JAK1: variants seen among roughly 807,000 people sequenced by gnomAD.
JAK1 encodes the protein Janus kinase 1.
A neutral mutation model predicts 136.6 loss-of-function variants in JAK1; 16 were observed. The ratio of observed to expected loss-of-function variants is 0.12; its 90% CI spans 0.08 to 0.18. The LOEUF is 0.18. Ranked by LOEUF, JAK1 falls within the 10% of genes least tolerant of loss-of-function variation. The pLI, the probability that JAK1 is intolerant of heterozygous loss-of-function variation, is 1.00. For missense variants in JAK1, 859 were observed against 1,450.1 expected (o/e 0.59, Z 6.62); for synonymous variants, 492 against 519.5 (o/e 0.95, Z 0.72).
chr1:64,936,268 T>C (rs1306015456), intron 1 of JAK1, among the ~76,000 whole-genome samples: 9 of 152,158 alleles, frequency 5.9e-5, no homozygotes, highest in Non-Finnish European at 1.3e-4. Flanking sequence ...TAACTATCCA[T>C]ACTTTCATTA....
intron 1 of JAK1, among the ~76,000 whole-genome samples, chr1:65,055,296 C>A (rs1047261143): frequency 6.6e-6 from 1 of 152,184 alleles, no homozygotes; most frequent in Non-Finnish European, 1.5e-5. Context: ...AGCATGGTAT[C>A]TTCAAGGTTC....
At chr1:64,972,175 A>T (rs1195882529) in intron 2 of JAK1, 1 of 152,256 alleles carries the variant, frequency 6.6e-6, no homozygotes, top group Non-Finnish European at 1.5e-5. Context: ...ACTCTTCCAC[A>T]TGCACATTGA....
At chr1:65,019,166 A>G (rs558527501) in intron 2 of JAK1, among the ~76,000 whole-genome samples, 1 of 152,338 alleles carries the variant, frequency 6.6e-6, no homozygotes, top group East Asian at 1.9e-4. Context: ...TTTAAGGAAC[A>G]AAGTATTTTA....
chr1:64,951,783 C>G (rs911664882), intron 1 of JAK1, among the ~76,000 whole-genome samples: 1 of 150,924 alleles, frequency 6.6e-6, no homozygotes, highest in Non-Finnish European at 1.5e-5. Flanking sequence ...CTCAGCCTCC[C>G]GAGTAGCTGG....
At chr1:64,921,379 T>C (rs1377847654) in intron 1 of JAK1, among the ~76,000 whole-genome samples, 2 of 152,124 alleles carry the variant, frequency 1.3e-5, no homozygotes, top group Admixed American at 1.3e-4. Flanking sequence ...CCACCTAGAC[T>C]ACTGATAACT....
chr1:65,045,005 T>C (rs926937042), intron 1 of JAK1, among the ~76,000 whole-genome samples: 2 of 152,260 alleles, frequency 1.3e-5, no homozygotes, highest in African/African-American at 2.4e-5. Context: ...CCAAATCTAG[T>C]GGTCCCTAAA....
chr1:65,004,762 A>G (rs1646790225), intron 2 of JAK1, among the ~76,000 whole-genome samples: 1 of 152,218 alleles, frequency 6.6e-6, no homozygotes, highest in African/African-American at 2.4e-5. Flanking sequence ...ATCCAAGTAC[A>G]ACTTCTTATC....
intron 1 of JAK1, among the ~76,000 whole-genome samples, chr1:65,048,834 G>C (rs1399558869): frequency 6.6e-6 from 1 of 152,140 alleles, no homozygotes; most frequent in Non-Finnish European, 1.5e-5. Flanking sequence ...TATGTTTTCT[G>C]TTGAACTTTT....
rs573400973 is a variant in JAK1 at position 65,027,932 on chromosome 1, C to T, written c.-78+16548G>A. Among the ~76,000 whole-genome samples the T allele has an allele frequency of 3.9e-5, 6 of 152,264 alleles. No homozygotes were observed. The East Asian group carries it at 5.8e-4, about 15-fold the overall frequency. ...AGGTTCTTTCTGGAAGGGAAGTCTG[C>T]GTGGCACGCTGCCACAGCTGGCACA... On this transcript the variant is annotated intron_variant, in intron 2 of 25. Transcript: ENST00000671954.
chr1:64,952,008 C>T (rs762711023), intron 1 of JAK1, among the ~76,000 whole-genome samples: 4 of 152,130 alleles, frequency 2.6e-5, no homozygotes, highest in Non-Finnish European at 5.9e-5. Flanking sequence ...TGAAACTTGG[C>T]GCACATTTCC....
chr1:64,851,516 C>T (rs1432203307), intron 11 of JAK1, among the ~76,000 whole-genome samples: 2 of 152,200 alleles, frequency 1.3e-5, no homozygotes, highest in African/African-American at 2.4e-5. Flanking sequence ...GTCTGAAGCT[C>T]GTGGTACCAG....
intron 1 of JAK1, among the ~76,000 whole-genome samples, chr1:64,963,225 C>T (rs1646314288): frequency 6.6e-6 from 1 of 152,206 alleles, no homozygotes; most frequent in South Asian, 2.1e-4. Context: ...TCTCTCTCAT[C>T]ATTCTCTGAA....
At chr1:64,843,864 A>G (rs1655060244) in intron 17 of JAK1, among the ~76,000 whole-genome samples, 200 bp downstream of exon 17, 1 of 152,208 alleles carries the variant, frequency 6.6e-6, no homozygotes, top group African/African-American at 2.4e-5. Flanking sequence ...GTTACTGATT[A>G]TCCCCATTTT....
Position 64,985,497 on chromosome 1 carries a change from G to A in JAK1, c.-78+58983C>T, listed in dbSNP as rs1369951585. On this transcript the variant is annotated intron_variant, in intron 2 of 25. Coordinates refer to the JAK1 transcript ENST00000671954. ...ACTTTCAGGGCAAAAAGGAAGGGCT[G>A]CACTTTGTAGCATAGCAGGAGAGAT... 3.8e-6 allele frequency: 6 copies of A among 1,568,092 alleles called. No homozygotes were observed. In the African/African-American group the frequency reaches 6.8e-5, roughly 18 times the overall value.
At position 65,018,487 on chromosome 1, in the gene JAK1, A is replaced by AGAACACACAC. The variant is rs1394294153; in HGVS notation, c.-78+25992_-78+25993insGTGTGTGTTC. Among the ~76,000 whole-genome samples, 11 of 96,042 alleles carry AGAACACACAC rather than the reference A, an allele frequency of 1.1e-4. 1 individual carries two copies. Among genetic ancestry groups the AGAACACACAC allele is most frequent in the African/African-American group, 5.2e-4 (10 of 19,138 alleles). 63.0% of individuals were successfully genotyped at this position (96,042 alleles called of 152,430 possible). ...CAGAGAGAGAGAGAGAGAGAGAGAG[A>AGAACACACAC]ACACACACACACACACACACACACA... is the stretch of plus-strand genomic sequence containing the variant. On this transcript the variant is annotated intron_variant, in intron 2 of 25. Coordinates refer to the JAK1 transcript ENST00000671954.
intron 2 of JAK1, among the ~76,000 whole-genome samples, chr1:65,029,496 A>C (rs537261903): frequency 6.6e-6 from 1 of 152,366 alleles, no homozygotes; most frequent in African/African-American, 2.4e-5. Flanking sequence ...TCGTTCTATC[A>C]TAAAGATATA....
At chr1:65,013,512 C>T (rs1294657846) in intron 2 of JAK1, among the ~76,000 whole-genome samples, 2 of 152,170 alleles carry the variant, frequency 1.3e-5, no homozygotes, top group South Asian at 2.1e-4. Flanking sequence ...CTGCTGCTGA[C>T]CAGTACAATG....
In JAK1 at chr1:64,973,229, AAGAAAGAAAGAAGG is replaced by A. The variant is rs1198418352; in HGVS notation, c.-78+71237_-78+71250del. 5 of 150,916 alleles carry A rather than the reference AAGAAAGAAAGAAGG, an allele frequency of 3.3e-5. No homozygotes were observed. In the South Asian group the frequency reaches 8.5e-4, roughly 26 times the overall value. The allele number at this position is 150,916 out of a possible 1,614,324, so 9.3% of individuals were successfully genotyped here. A position where few individuals can be genotyped will look rare whatever the true frequency, so the allele number is the denominator to read the frequency against. ...GAAAAGAAAGAAAGAAAGGAAAAGA[AAGAAAGAAAGAAGG>A]AGAAAGAAAGAGAGAAAGAAAGACG... On this transcript the variant is annotated intron_variant, in intron 2 of 25. Transcript: ENST00000671954.
chr1:64,894,880 T>A (rs1196898388), intron 1 of JAK1, among the ~76,000 whole-genome samples: 1 of 152,224 alleles, frequency 6.6e-6, no homozygotes, highest in East Asian at 1.9e-4. Context: ...CCAGTTTTTA[T>A]GTTCAGCTTT....
Sources: allele counts gnomAD v4.1 joint callset (sites outside exome capture counted in the v4.1 genomes callset), GRCh38; gene constraint gnomAD v4.1.1; transcripts MANE v1.5; gene names NCBI Gene and HGNC (gene_info 2026-07-23, HGNC 2026-07-21).